The following TMEM215 variants were observed in gnomAD, a reference collection of about 807,000 sequenced individuals.
TMEM215 encodes transmembrane protein 215.
Under a neutral mutation model 14.7 loss-of-function variants are expected in TMEM215, and 12 were observed. The ratio of observed to expected loss-of-function variants is 0.82; its 90% CI spans 0.52 to 1.33. TMEM215 has a LOEUF of 1.33. TMEM215 is among the 40% of genes most tolerant of loss of function. TMEM215 has a pLI of 0.00. For synonymous variants in TMEM215, 122 were observed against 124.8 expected (o/e 0.98, Z 0.15); for missense variants, 276 against 296.2 (o/e 0.93, Z 0.50).
At position 32,788,123 on chromosome 9, in the gene TMEM215, A is replaced by G. The variant is rs1231957911; in HGVS notation, c.*3232A>G. The stretch of plus-strand genomic sequence containing the variant: ...ATGGATCTTAATATCCACTGAGATG[A>G]CAAATGTAGGAAAGGAAGATTCATT... On this transcript the variant is annotated 3_prime_UTR_variant, in exon 2 of 2. Coordinates refer to ENST00000342743, the MANE Select transcript of TMEM215 (RefSeq NM_212558.3). 6.6e-6 allele frequency among the ~76,000 whole-genome samples: 1 copy of G among 152,192 alleles called. No individual in the cohort carries two copies. The highest frequency in any genetic ancestry group is 1.5e-5 in the Non-Finnish European group (1 of 68,016).
At position 32,784,803 on chromosome 9, in the gene TMEM215, G is replaced by A; in HGVS notation, c.620G>A (p.Cys207Tyr). 2 of 1,613,642 alleles carry A rather than the reference G, an allele frequency of 1.2e-6. No individual in the cohort carries two copies. The highest frequency in any genetic ancestry group is 1.6e-4 in the Middle Eastern group (1 of 6,062). ...GTGCCCCAGGACAGTATCATCGTTTGCTCCTACAAGCAGAACAGCCCGTAT... is the reference window on the plus strand; with the variant it reads ...GTGCCCCAGGACAGTATCATCGTTTACTCCTACAAGCAGAACAGCCCGTAT... ...FFVPQDSIIV[C>Y]SYKQNSPYDR... is the part of the protein sequence containing the mutation. Residue 207 changes from cysteine to tyrosine, a missense_variant, in exon 2 of 2, where the codon TGC becomes TAC. Coordinates refer to ENST00000342743, the MANE Select transcript of TMEM215 (RefSeq NM_212558.3).
rs1190025232 is a variant in TMEM215 at position 32,784,252 on chromosome 9, T to C, written c.69T>C (p.Phe23=). 3.1e-6 allele frequency: 5 copies of C among 1,614,144 alleles called. No homozygotes were observed. Among genetic ancestry groups the C allele is most frequent in the Non-Finnish European group, 4.2e-6 (5 of 1,180,006 alleles). ...VVALVSVFLV[F]GFMFTVSGMK... Reference sequence around the variant, plus strand: ...CCCTGGTCAGTGTCTTCCTCGTCTTTGGTTTCATGTTCACCGTCTCTGGGA... The same window carrying C: ...CCCTGGTCAGTGTCTTCCTCGTCTTCGGTTTCATGTTCACCGTCTCTGGGA... Residue 23 remains phenylalanine (F), a synonymous_variant, in exon 2 of 2, where the codon TTT becomes TTC. Coordinates refer to ENST00000342743, the MANE Select transcript of TMEM215 (RefSeq NM_212558.3).
In TMEM215 at chr9:32,786,223, G is replaced by C. The variant is rs1824504900; in HGVS notation, c.*1332G>C. On this transcript the variant is annotated 3_prime_UTR_variant, in exon 2 of 2. Transcript: ENST00000342743. The stretch of plus-strand genomic sequence containing the variant: ...ATAGAGTTCATCTTGAAGATCAGAA[G>C]TATTTTGTATCCTTCAAAGAATGAT... The C allele has an allele frequency of 6.0e-6, 1 of 167,010 alleles. No individual in the cohort carries two copies. The highest frequency in any genetic ancestry group is 2.1e-4 in the South Asian group (1 of 4,836). 10.3% of individuals were successfully genotyped at this position (167,010 alleles called of 1,614,324 possible). A position where few individuals can be genotyped will look rare whatever the true frequency, so the allele number is the denominator to read the frequency against.
chr9:32,784,535 A>AG lies in TMEM215; in HGVS notation c.357dup (p.Lys120GlufsTer9). 6.2e-7 allele frequency: 1 copy of AG among 1,613,956 alleles called. No individual in the cohort carries two copies. The highest frequency in any genetic ancestry group is 8.5e-7 in the Non-Finnish European group (1 of 1,180,014). The stretch of plus-strand genomic sequence containing the variant: ...TGAGCTGGCTAAGAAGGCGGGCCTC[A>AG]GGGGGAAGCCTCCCCCACAAAGCCA... On this transcript the variant is annotated frameshift_variant, in exon 2 of 2. Coordinates refer to ENST00000342743, the MANE Select transcript of TMEM215 (RefSeq NM_212558.3). LOFTEE classifies it high-confidence loss of function.
In TMEM215 at chr9:32,784,763, G is replaced by A. The variant is rs141893993; in HGVS notation, c.580G>A (p.Asp194Asn). Residue 194 changes from aspartate (D) to asparagine (N), a missense_variant, in exon 2 of 2, where the codon GAT becomes AAT. Transcript: ENST00000342743. ...CAGATCTGAGTGCCCTGAGCCTGAG[G>A]ATAGCATCTTCTTTGTGCCCCAGGA... ...RDRSECPEPEDSIFFVPQDSI... is the reference protein window; with the variant it reads ...RDRSECPEPENSIFFVPQDSI... The A allele has an allele frequency of 1.2e-6, 2 of 1,613,970 alleles. No individual in the cohort carries two copies. Among genetic ancestry groups the A allele is most frequent in the Middle Eastern group, 1.6e-4 (1 of 6,062 alleles).
rs1415387720 is a variant in TMEM215 at position 32,783,654 on chromosome 9, A to G, written c.-210A>G. 1 of 153,274 alleles carries G rather than the reference A, an allele frequency of 6.5e-6. No individual in the cohort carries two copies. The highest frequency in any genetic ancestry group is 1.9e-4 in the East Asian group (1 of 5,174). The allele number at this position is 153,274 out of a possible 1,614,324, so 9.5% of individuals were successfully genotyped here. The stretch of plus-strand genomic sequence containing the variant: ...GCACTGCTGGGAGAGCCGCTCTCCC[A>G]GGTTCCACCTCCCCGATGCAGAGTC... On this transcript the variant is annotated 5_prime_UTR_variant, in exon 1 of 2. Coordinates refer to ENST00000342743, the MANE Select transcript of TMEM215 (RefSeq NM_212558.3).
rs1467592365 is a variant in TMEM215, at chr9:32,788,901, A to G, written c.*4010A>G. 6.6e-6 allele frequency among the ~76,000 whole-genome samples: 1 copy of G among 152,218 alleles called. No individual in the cohort carries two copies. The highest frequency in any genetic ancestry group is 2.4e-5 in the African/African-American group (1 of 41,464). ...TACAGTGGTGTCAGTCTTCAAGAGCATCGTGTTCAACAAGCAAAATGATAA... is the reference window on the plus strand; with the variant it reads ...TACAGTGGTGTCAGTCTTCAAGAGCGTCGTGTTCAACAAGCAAAATGATAA... On this transcript the variant is annotated 3_prime_UTR_variant, in exon 2 of 2. Transcript: ENST00000342743.
chr9:32,784,876 C>T lies in TMEM215; in HGVS notation c.693C>T (p.His231=), dbSNP rs1418600956. 2.5e-6 allele frequency: 4 copies of T among 1,611,824 alleles called. No homozygotes were observed. The highest frequency in any genetic ancestry group is 2.2e-5 in the South Asian group (2 of 90,938). The change falls in exon 2 of 2, where the codon CAC becomes CAT. Residue 231 remains histidine, a synonymous_variant. Coordinates refer to ENST00000342743, the MANE Select transcript of TMEM215 (RefSeq NM_212558.3). ...ATCAGATACAAGGCAGGTGGGACCACGAGACCATCGTCTAATCTCTGCCTA... is the reference window on the plus strand; with the variant it reads ...ATCAGATACAAGGCAGGTGGGACCATGAGACCATCGTCTAATCTCTGCCTA... ...YINQIQGRWD[H]ETIV
At position 32,788,189 on chromosome 9, in the gene TMEM215, C is replaced by T. The variant is rs1451420692; in HGVS notation, c.*3298C>T. ...TCTCTTTTGCAATGTCCAAGCTCTACTTATTTATTAATAGCCTCCCTCTGT... is the reference window on the plus strand; with the variant it reads ...TCTCTTTTGCAATGTCCAAGCTCTATTTATTTATTAATAGCCTCCCTCTGT... On this transcript the variant is annotated 3_prime_UTR_variant, in exon 2 of 2. Transcript: ENST00000342743. Among the ~76,000 whole-genome samples the T allele has an allele frequency of 6.6e-6, 1 of 152,160 alleles. No homozygotes were observed. The highest frequency in any genetic ancestry group is 2.4e-5 in the African/African-American group (1 of 41,440).
At position 32,787,620 on chromosome 9, in the gene TMEM215, G is replaced by C. The variant is rs1824521219; in HGVS notation, c.*2729G>C. Among the ~76,000 whole-genome samples the C allele has an allele frequency of 6.6e-6, 1 of 151,880 alleles. No individual in the cohort carries two copies. The highest frequency in any genetic ancestry group is 1.5e-5 in the Non-Finnish European group (1 of 67,884). ...CACATTTTTTTGAACAGAGGTAGAA[G>C]AGAAAGAGAAAAAAAGTGTCTCAGC... On this transcript the variant is annotated 3_prime_UTR_variant, in exon 2 of 2. Coordinates refer to ENST00000342743, the MANE Select transcript of TMEM215 (RefSeq NM_212558.3).
chr9:32,784,399 C>G lies in TMEM215; in HGVS notation c.216C>G (p.Asn72Lys). Residue 72 changes from asparagine (N) to lysine (K), a missense_variant, in exon 2 of 2, where the codon AAC becomes AAG. Coordinates refer to ENST00000342743, the MANE Select transcript of TMEM215 (RefSeq NM_212558.3). ...KTEGCTKWPENELLWVRKLPC... is the reference protein window; with the variant it reads ...KTEGCTKWPEKELLWVRKLPC... ...AGGGATGCACCAAGTGGCCAGAGAACGAGCTGCTGTGGGTCCGCAAATTGC... is the reference window on the plus strand; with the variant it reads ...AGGGATGCACCAAGTGGCCAGAGAAGGAGCTGCTGTGGGTCCGCAAATTGC... 1 of 1,614,188 alleles carries G rather than the reference C, an allele frequency of 6.2e-7. No individual in the cohort carries two copies. Among genetic ancestry groups the G allele is most frequent in the South Asian group, 1.1e-5 (1 of 91,090 alleles).
chr9:32,784,290 C>T lies in TMEM215; in HGVS notation c.107C>T (p.Thr36Ile), dbSNP rs199994663. ...ACCGTCTCTGGGATGAAAGGGGAGA[C>T]TTTGGGAAACATCCCCCTCCTGGCC... ...MFTVSGMKGE[T>I]LGNIPLLAIG... Residue 36 changes from threonine to isoleucine, a missense_variant, in exon 2 of 2, where the codon ACT becomes ATT. Transcript: ENST00000342743. The T allele has an allele frequency of 1.9e-6, 3 of 1,614,228 alleles. No individual in the cohort carries two copies. In the East Asian group the frequency reaches 6.7e-5, roughly 36 times the overall value.
intron 1 of TMEM215, 64 bp from the exon 2 acceptor site, chr9:32,784,062 G>C: frequency 1.1e-6 from 1 of 870,280 alleles, no homozygotes; most frequent in South Asian, 1.7e-5. Context: ...AGAAAGACAA[G>C]AGTTGATGGG....
In TMEM215 at chr9:32,784,646, C is replaced by T. The variant is rs1287094721; in HGVS notation, c.463C>T (p.Gln155Ter). The stretch of plus-strand genomic sequence containing the variant: ...CCAGAGCCTCGTCCAGAATGGGCAT[C>T]AGGAGGAGACGTCCAGATACCTGGA... ...ECQSLVQNGHQEETSRYLDGY... is the reference protein window; with the variant it reads ...ECQSLVQNGH The change falls in exon 2 of 2, where the codon CAG becomes TAG. Residue 155 changes from glutamine to a stop codon, truncating the protein, a stop_gained. Transcript: ENST00000342743. LOFTEE classifies it high-confidence loss of function. 6.2e-7 allele frequency: 1 copy of T among 1,613,856 alleles called. No individual in the cohort carries two copies. The highest frequency in any genetic ancestry group is 1.1e-5 in the South Asian group (1 of 91,056).
chr9:32,787,569 T>C lies in TMEM215; in HGVS notation c.*2678T>C, dbSNP rs530221848. On this transcript the variant is annotated 3_prime_UTR_variant, in exon 2 of 2. Coordinates refer to ENST00000342743, the MANE Select transcript of TMEM215 (RefSeq NM_212558.3). ...GTTAAACTTCCAAAGTCAAAAAATA[T>C]ATATACACAAAAAAAGGGGAAAAGC... is the stretch of plus-strand genomic sequence containing the variant. Among the ~76,000 whole-genome samples, 1 of 151,454 alleles carries C rather than the reference T, an allele frequency of 6.6e-6. No homozygotes were observed. Among genetic ancestry groups the C allele is most frequent in the East Asian group, 1.9e-4 (1 of 5,170 alleles).
At position 32,783,751 on chromosome 9, in the gene TMEM215, T is replaced by A. The variant is rs1484776984; in HGVS notation, c.-113T>A. ...AGGGGGCAGCTGCTGTGGGGGCTTC[T>A]GAGGAGACAGCCTGGCTTCTTTCCC... is the stretch of plus-strand genomic sequence containing the variant. On this transcript the variant is annotated 5_prime_UTR_variant, in exon 1 of 2. An upstream open reading frame in the 5' UTR loses its in-frame stop. Transcript: ENST00000342743. 1 of 161,506 alleles carries A rather than the reference T, an allele frequency of 6.2e-6. No homozygotes were observed. Among genetic ancestry groups the A allele is most frequent in the Non-Finnish European group, 1.3e-5 (1 of 74,534 alleles). The allele number at this position is 161,506 out of a possible 1,614,324, so 10.0% of individuals were successfully genotyped here.
In TMEM215 at chr9:32,784,631, G is replaced by C. The variant is rs199551289; in HGVS notation, c.448G>C (p.Val150Leu). The change falls in exon 2 of 2, where the codon GTC becomes CTC. Residue 150 changes from valine to leucine, a missense_variant. Physicochemically the swap from Val to Leu is conservative, Grantham distance 32. Coordinates refer to ENST00000342743, the MANE Select transcript of TMEM215 (RefSeq NM_212558.3). ...GGAGGAAGGAGAATGCCAGAGCCTC[G>C]TCCAGAATGGGCATCAGGAGGAGAC... is the stretch of plus-strand genomic sequence containing the variant. ...PTEEGECQSLVQNGHQEETSR... is the reference protein window; with the variant it reads ...PTEEGECQSLLQNGHQEETSR... 224 of 1,613,618 alleles carry C rather than the reference G, an allele frequency of 1.4e-4. No homozygotes were observed. The highest frequency in any genetic ancestry group is 5.9e-6 in the Non-Finnish European group (7 of 1,179,862).
rs1478298633 is a variant in TMEM215 at position 32,786,815 on chromosome 9, A to G, written c.*1924A>G. ...AGAGTAAAATATTTTTGAGGAGAAA[A>G]CTTAAAATGTTGGTATAACTCAAAG... On this transcript the variant is annotated 3_prime_UTR_variant, in exon 2 of 2. Transcript: ENST00000342743. 2 of 167,006 alleles carry G rather than the reference A, an allele frequency of 1.2e-5. No homozygotes were observed. The highest frequency in any genetic ancestry group is 4.8e-5 in the African/African-American group (2 of 41,464). The allele number at this position is 167,006 out of a possible 1,614,324, so 10.3% of individuals were successfully genotyped here. A position where few individuals can be genotyped will look rare whatever the true frequency, so the allele number is the denominator to read the frequency against.
rs891615856 is a variant in TMEM215, at chr9:32,786,633, A to G, written c.*1742A>G. 1 of 166,974 alleles carries G rather than the reference A, an allele frequency of 6.0e-6. No homozygotes were observed. The highest frequency in any genetic ancestry group is 2.4e-5 in the African/African-American group (1 of 41,458). 10.3% of individuals were successfully genotyped at this position (166,974 alleles called of 1,614,324 possible). The stretch of plus-strand genomic sequence containing the variant: ...TGTCAAAGGCATTTTATATATTGCC[A>G]GGAAATGAGTTACAGCAAAATGCAT... On this transcript the variant is annotated 3_prime_UTR_variant, in exon 2 of 2. Transcript: ENST00000342743.
Sources: gnomAD v4.1 joint callset for allele counts (sites outside exome capture counted in the v4.1 genomes callset) on GRCh38, gnomAD v4.1.1 for gene constraint, MANE v1.5 for transcripts, NCBI Gene and HGNC (gene_info 2026-07-23, HGNC 2026-07-21) for gene names.